EFCAB13: variants seen among roughly 807,000 people sequenced by gnomAD.
EFCAB13 encodes the protein EF-hand calcium binding domain 13.
EFCAB13 carries 91 observed loss-of-function variants against 110.2 expected under a neutral mutation model. The observed-to-expected ratio is 0.83, with a 90% CI of 0.70 to 0.98. The LOEUF (loss-of-function observed/expected upper bound fraction) is 0.98. Ranked by LOEUF, EFCAB13 falls within the 50% of genes least tolerant of loss-of-function variation. The pLI, the probability that EFCAB13 is intolerant of heterozygous loss-of-function variation, is 0.00. For missense variants in EFCAB13, 968 were observed against 1,119.4 expected (o/e 0.86, Z 1.93); for synonymous variants, 323 against 369.9 (o/e 0.87, Z 1.45).
intron 23 of EFCAB13, among the ~76,000 whole-genome samples, chr17:47,418,774 C>T (rs1484294056): frequency 3.9e-5 from 6 of 152,070 alleles, no homozygotes; most frequent in Non-Finnish European, 8.8e-5. Flanking sequence ...TCCAGATATT[C>T]AGTTGTCCTA....
chr17:47,351,325 G>GCGCATGCGCGCA (rs2065452083), intron 9 of EFCAB13, among the ~76,000 whole-genome samples: 1 of 150,632 alleles, frequency 6.6e-6, no homozygotes, highest in Non-Finnish European at 1.5e-5. Context: ...GCGCGCGCGC[G>GCGCATGCGCGCA]CGCCACGTTT....
intron 23 of EFCAB13, among the ~76,000 whole-genome samples, chr17:47,427,061 C>A (rs1399461782): frequency 6.6e-6 from 1 of 152,030 alleles, no homozygotes; most frequent in Non-Finnish European, 1.5e-5. Context: ...ATAGTAATGC[C>A]TATATCATAT....
At chr17:47,433,420 C>T (rs1286334492) in intron 24 of EFCAB13, among the ~76,000 whole-genome samples, 1 of 150,298 alleles carries the variant, frequency 6.7e-6, no homozygotes, top group African/African-American at 2.4e-5. Context: ...AGTTTAGCCC[C>T]ATGCTCAAGA....
intron 24 of EFCAB13, among the ~76,000 whole-genome samples, chr17:47,432,460 C>T (rs966732219): frequency 6.0e-5 from 9 of 150,996 alleles, no homozygotes; most frequent in African/African-American, 2.2e-4. Flanking sequence ...GGTGTGATAG[C>T]GTGAGCCTGT....
Position 47,420,343 on chromosome 17 carries a change from G to A in EFCAB13, c.2494+5424G>A, listed in dbSNP as rs1307359175. On this transcript the variant is annotated intron_variant, in intron 23 of 24. Coordinates refer to ENST00000331493, the MANE Select transcript of EFCAB13 (RefSeq NM_152347.5). The stretch of plus-strand genomic sequence containing the variant: ...CTGCCTTGGCCTCCCAAAGTGCCGA[G>A]ATTGCAGCCTCTGCCCAGCCGCCAC... Among the ~76,000 whole-genome samples, 16 of 152,414 alleles carry A rather than the reference G, an allele frequency of 1.0e-4. No individual in the cohort carries two copies. In the East Asian group the frequency reaches 3.1e-3, roughly 29 times the overall value.
intron 4 of EFCAB13, 128 bp from the exon 5 acceptor site, chr17:47,335,068 C>T: frequency 1.9e-6 from 2 of 1,081,020 alleles, no homozygotes; most frequent in South Asian, 1.9e-5. Context: ...CCTTTTTCAA[C>T]AAAATTCTCT....
At chr17:47,424,906 G>T (rs1340821086) in intron 23 of EFCAB13, among the ~76,000 whole-genome samples, 1 of 17,886 alleles carries the variant, frequency 5.6e-5, no homozygotes, top group African/African-American at 3.1e-4. Flanking sequence ...TTTTTGAGAC[G>T]GAGTCTCGCT....
At chr17:47,358,209 A>G (rs16941912) in intron 9 of EFCAB13, among the ~76,000 whole-genome samples, 4,840 of 152,252 alleles carry the variant, frequency 0.032, 274 homozygotes, top group African/African-American at 0.11. Flanking sequence ...ATGTTTTGTC[A>G]AGGCAAAATG....
chr17:47,329,665 T>G (rs1041196511), intron 4 of EFCAB13, among the ~76,000 whole-genome samples: 4 of 152,156 alleles, frequency 2.6e-5, no homozygotes, highest in African/African-American at 9.7e-5. Context: ...ATGGCTCACC[T>G]TTTACTACAA....
chr17:47,398,076 C>T (rs562625737), intron 17 of EFCAB13, among the ~76,000 whole-genome samples: 69 of 138,728 alleles, frequency 5.0e-4, no homozygotes, highest in African/African-American at 2.0e-3. Context: ...GGGGTCAGCC[C>T]GCCGCCCGGC....
Position 47,374,845 on chromosome 17 carries a change from T to A in EFCAB13, c.1251T>A (p.Ser417Arg). The change falls in exon 12 of 25, where the codon AGT (serine) becomes AGA (arginine). Residue 417 changes from serine (S) to arginine (R), a missense_variant. Physicochemically the swap from Ser to Arg is moderately radical, Grantham distance 110 (BLOSUM62 -1). Transcript: ENST00000331493. ...PQSLKSSTSL[S>R]KSLDKSDISS... ...GCTTGAAGAGTAGTACAAGCCTCAG[T>A]AAGTCTCTGGATAAAAGTGATATTT... The A allele has an allele frequency of 6.2e-7, 1 of 1,613,972 alleles. No homozygotes were observed. Among genetic ancestry groups the A allele is most frequent in the East Asian group, 2.2e-5 (1 of 44,856 alleles).
intron 6 of EFCAB13, among the ~76,000 whole-genome samples, chr17:47,343,754 C>T (rs2065398957): frequency 6.6e-6 from 1 of 152,028 alleles, no homozygotes; most frequent in African/African-American, 2.4e-5. Context: ...TAATCGAAAA[C>T]AAAATTACCT....
intron 23 of EFCAB13, among the ~76,000 whole-genome samples, chr17:47,421,021 G>A (rs924834163): frequency 1.6e-4 from 7 of 44,152 alleles, no homozygotes; most frequent in African/African-American, 6.5e-4. Context: ...GGAGGGAGGT[G>A]GGGGGGTCAG....
At chr17:47,397,223 G>A (rs1206572538) in intron 17 of EFCAB13, among the ~76,000 whole-genome samples, 8 of 152,150 alleles carry the variant, frequency 5.3e-5, no homozygotes, top group African/African-American at 1.7e-4. Flanking sequence ...TGTGTTGGCC[G>A]GGCTGGTCTC....
intron 6 of EFCAB13, among the ~76,000 whole-genome samples, chr17:47,343,083 T>G (rs1369996632): frequency 1.3e-5 from 2 of 152,178 alleles, no homozygotes; most frequent in African/African-American, 4.8e-5. Context: ...ATGTTGTGTT[T>G]GTTGTTTTGT....
At position 47,440,388 on chromosome 17, in the gene EFCAB13, A is replaced by G. The variant is rs1392533879; in HGVS notation, c.2639-43A>G. On this transcript the variant is annotated intron_variant, in intron 24 of 24. Coordinates refer to ENST00000331493, the MANE Select transcript of EFCAB13 (RefSeq NM_152347.5). ...TTCAGCTATATTATTTAATTCTGAAACAATAATTCTTTCTTTTAAGTAAAT... is the reference window on the plus strand; with the variant it reads ...TTCAGCTATATTATTTAATTCTGAAGCAATAATTCTTTCTTTTAAGTAAAT... 2.0e-6 allele frequency: 3 copies of G among 1,494,650 alleles called. No homozygotes were observed. The Admixed American group carries it at 7.3e-5, about 36-fold the overall frequency. 92.6% of individuals were successfully genotyped at this position (1,494,650 alleles called of 1,614,324 possible). A position where few individuals can be genotyped will look rare whatever the true frequency, so the allele number is the denominator to read the frequency against.
chr17:47,383,062 T>C (rs1431546204), intron 14 of EFCAB13, among the ~76,000 whole-genome samples: 1 of 152,214 alleles, frequency 6.6e-6, no homozygotes, highest in Non-Finnish European at 1.5e-5. Flanking sequence ...TTTTCTAGTT[T>C]ATTTGTGTAG....
intron 23 of EFCAB13, among the ~76,000 whole-genome samples, chr17:47,421,491 G>T (rs551403388): frequency 6.6e-6 from 1 of 151,642 alleles, no homozygotes; most frequent in Non-Finnish European, 1.5e-5. Flanking sequence ...CAAACACTGC[G>T]GAAGGCCGCA....
chr17:47,336,512 C>T lies in EFCAB13; in HGVS notation c.191+1156C>T, dbSNP rs544653195. On this transcript the variant is annotated intron_variant, in intron 5 of 24. Coordinates refer to ENST00000331493, the MANE Select transcript of EFCAB13 (RefSeq NM_152347.5). ...TTCACCATGTTAGCCATGATGGTCT[C>T]GATCTCCTGACCTCATGATCCGCCT... Among the ~76,000 whole-genome samples, 292 of 151,920 alleles carry T rather than the reference C, an allele frequency of 1.9e-3. 1 individual carries two copies. The highest frequency in any genetic ancestry group is 6.8e-3 in the African/African-American group (280 of 41,428).
Sources: allele counts gnomAD v4.1 joint callset (sites outside exome capture counted in the v4.1 genomes callset), GRCh38; gene constraint gnomAD v4.1.1; transcripts MANE v1.5; gene names NCBI Gene and HGNC (gene_info 2026-07-23, HGNC 2026-07-21).